Variants in BCLAF3 observed in about 807,000 individuals in gnomAD.
BCLAF3 encodes the protein BCLAF1 and THRAP3 family member 3, also known as transient octamer binding factor 1.
A neutral mutation model predicts 51.2 loss-of-function variants in BCLAF3; 24 were observed. The ratio of observed to expected loss-of-function variants is 0.47; its 90% CI spans 0.34 to 0.66. BCLAF3 has a LOEUF of 0.66. Among genes scored for constraint, BCLAF3 ranks in the 30% least tolerant of loss-of-function variants. The probability of loss-of-function intolerance (pLI) is 0.01; values close to 1 mark genes in which losing one functional copy is unlikely to be tolerated. For synonymous variants in BCLAF3, 152 were observed against 176.6 expected (o/e 0.86, Z 1.10); for missense variants, 465 against 525.1 (o/e 0.89, Z 1.12).
intron 1 of BCLAF3, among the ~76,000 whole-genome samples, chrX:19,976,982 T>C (rs2072445202): frequency 9.0e-6 from 1 of 111,653 alleles, no homozygotes. Flanking sequence ...TTCCCTATTA[T>C]TATATCTGTT....
chrX:19,957,377 A>T (rs1270572336), intron 4 of BCLAF3, among the ~76,000 whole-genome samples: 2 of 112,243 alleles, frequency 1.8e-5, no homozygotes, highest in Middle Eastern at 4.6e-3. Context: ...AAAGTTACAA[A>T]ATTCCTGTGC....
At chrX:19,984,016 G>A (rs1192218689) in intron 1 of BCLAF3, among the ~76,000 whole-genome samples, 1 of 99,172 alleles carries the variant, frequency 1.0e-5, no homozygotes, top group Non-Finnish European at 2.0e-5. Context: ...AAGTTGCAGT[G>A]AGCCGAGATC....
intron 10 of BCLAF3, 146 bp downstream of exon 10, chrX:19,935,663 G>T: frequency 2.0e-6 from 1 of 498,788 alleles, no homozygotes; most frequent in Non-Finnish European, 3.4e-6. Context: ...ATTGGTTACA[G>T]TTAACTATAA....
intron 4 of BCLAF3, among the ~76,000 whole-genome samples, chrX:19,962,066 A>T (rs1419763552): frequency 2.7e-5 from 3 of 112,909 alleles, no homozygotes; most frequent in Non-Finnish European, 5.6e-5. Context: ...GTCTATTAAA[A>T]TAAAACTCTT....
intron 11 of BCLAF3, among the ~76,000 whole-genome samples, chrX:19,928,608 T>A (rs1360785283): frequency 2.7e-5 from 3 of 111,141 alleles, no homozygotes; most frequent in African/African-American, 6.5e-5. Flanking sequence ...TTAAAAAATT[T>A]AAAAAAGAGT....
At chrX:19,934,111 C>T (rs1490026681) in intron 10 of BCLAF3, among the ~76,000 whole-genome samples, 2 of 111,802 alleles carry the variant, frequency 1.8e-5, no homozygotes, top group Non-Finnish European at 3.8e-5. Flanking sequence ...ATTATTTCTG[C>T]CCACTATTTT....
intron 1 of BCLAF3, among the ~76,000 whole-genome samples, chrX:19,983,356 G>A (rs1345342427): frequency 9.5e-6 from 1 of 104,816 alleles, no homozygotes; most frequent in Non-Finnish European, 2.0e-5. Context: ...CAGGCGGGCA[G>A]ATCACCAGAA....
intron 8 of BCLAF3, among the ~76,000 whole-genome samples, chrX:19,948,053 A>G: frequency 8.9e-6 from 1 of 112,503 alleles, no homozygotes; most frequent in South Asian, 3.7e-4. Context: ...TAATAAGAAG[A>G]GTTGGCAACG....
chrX:19,964,930 G>T, intron 4 of BCLAF3, 114 bp downstream of exon 4: 2 of 628,850 alleles, frequency 3.2e-6, no homozygotes, highest in Non-Finnish European at 4.5e-6. Flanking sequence ...AAAATTCTTG[G>T]CAATCCCTCC....
chrX:19,974,830 C>G (rs746378245), intron 1 of BCLAF3, among the ~76,000 whole-genome samples: 2 of 110,726 alleles, frequency 1.8e-5, no homozygotes, highest in Admixed American at 1.9e-4. Context: ...TACAGTGAGC[C>G]GAGATCGCAC....
intron 4 of BCLAF3, among the ~76,000 whole-genome samples, chrX:19,963,572 CCTTT>C (rs1237921936): frequency 9.0e-6 from 1 of 111,593 alleles, no homozygotes; most frequent in Non-Finnish European, 1.9e-5. Flanking sequence ...TGATTCCCCC[CCTTT>C]ATTTCTTGAA....
chrX:19,956,610 T>C (rs2071674438), intron 4 of BCLAF3, among the ~76,000 whole-genome samples: 1 of 111,784 alleles, frequency 8.9e-6, no homozygotes, highest in Non-Finnish European at 1.9e-5. Flanking sequence ...AATTTTCTCA[T>C]TATTTTATAT....
chrX:19,935,757 G>T (rs1234840643), intron 10 of BCLAF3, 52 bp downstream of exon 10: 7 of 983,304 alleles, frequency 7.1e-6, no homozygotes, highest in East Asian at 6.1e-5. Context: ...AAAACATTGT[G>T]TCCAAAGCAT....
chrX:19,919,788 C>T (rs1455469354), intron 11 of BCLAF3, among the ~76,000 whole-genome samples: 2 of 92,624 alleles, frequency 2.2e-5, no homozygotes, highest in Admixed American at 1.4e-4. Context: ...GCCTGGGAGG[C>T]GGAGGTTGCA....
chrX:19,968,206 G>C (rs1403318181), intron 2 of BCLAF3, among the ~76,000 whole-genome samples: 1 of 112,528 alleles, frequency 8.9e-6, no homozygotes, highest in Non-Finnish European at 1.9e-5. Context: ...ATTGTTTTTG[G>C]TTTTCCTAAA....
chrX:19,917,442 A>T, intron 11 of BCLAF3, 108 bp from the exon 12 acceptor site: 1 of 663,377 alleles, frequency 1.5e-6, no homozygotes, highest in East Asian at 3.4e-5. Flanking sequence ...ATACAGTGTT[A>T]CTTGCACCCC....
chrX:19,960,119 C>A (rs1286731723), intron 4 of BCLAF3, among the ~76,000 whole-genome samples: 2 of 102,586 alleles, frequency 1.9e-5, no homozygotes, highest in Non-Finnish European at 1.9e-5. Flanking sequence ...TTAATTGAGG[C>A]CAATTTAATT....
At chrX:19,973,027 CTA>C (rs1258125278) in intron 1 of BCLAF3, among the ~76,000 whole-genome samples, 2 of 111,995 alleles carry the variant, frequency 1.8e-5, no homozygotes, top group Non-Finnish European at 3.8e-5. Flanking sequence ...CTTGGTAACT[CTA>C]TGTTTAACTT....
chrX:19,915,759 G>T lies in BCLAF3; in HGVS notation c.*1546C>A, dbSNP rs2069923951. On this transcript the variant is annotated 3_prime_UTR_variant, in exon 12 of 12. Coordinates refer to ENST00000379682, the MANE Select transcript of BCLAF3 (RefSeq NM_001367774.2). ...GATTAAATATTCAAAGCTCATTACTGTCCCCTAGAATATGGGAGTAAATGA... is the reference window on the plus strand; with the variant it reads ...GATTAAATATTCAAAGCTCATTACTTTCCCCTAGAATATGGGAGTAAATGA... 9.0e-6 allele frequency: 1 copy of T among 111,716 alleles called. No homozygotes were observed. Among genetic ancestry groups the T allele is most frequent in the Non-Finnish European group, 1.9e-5 (1 of 53,137 alleles). The allele number at this position is 111,716 out of a possible 1,213,427, so 9.2% of individuals were successfully genotyped here. A position where few individuals can be genotyped will look rare whatever the true frequency, so the allele number is the denominator to read the frequency against.
Sources: allele counts gnomAD v4.1 joint callset (sites outside exome capture counted in the v4.1 genomes callset), GRCh38; gene constraint gnomAD v4.1.1; transcripts MANE v1.5; gene names NCBI Gene and HGNC (gene_info 2026-07-23, HGNC 2026-07-21).